The following CBLB variants were observed in gnomAD, a reference collection of about 807,000 sequenced individuals.
CBLB encodes the protein E3 ubiquitin-protein ligase CBL-B.
A neutral mutation model predicts 104.9 loss-of-function variants in CBLB; 31 were observed. That is an observed-to-expected ratio of 0.30 (90% CI 0.22 to 0.40). CBLB has a LOEUF of 0.40. Among genes scored for constraint, CBLB ranks in the 10% least tolerant of loss-of-function variants. The probability of loss-of-function intolerance (pLI) is 1.00; values close to 1 mark genes in which losing one functional copy is unlikely to be tolerated. For missense variants in CBLB, 1,062 were observed against 1,214.6 expected, an observed-to-expected ratio of 0.87 and a Z score of 1.87; for synonymous variants, 440 against 422.6, an observed-to-expected ratio of 1.04 and a Z score of -0.51.
rs972917488 is a variant in CBLB, at chr3:105,685,623, A to G, written c.2055-157T>C. The stretch of plus-strand genomic sequence containing the variant: ...AGAAGCTGTTCTTATATCAAATACA[A>G]ATGAAAACAATTTTCAATCTTTTGT... On this transcript the variant is annotated intron_variant, in intron 13 of 18. Coordinates refer to ENST00000394030, the MANE Select transcript of CBLB (RefSeq NM_170662.5). 2.6e-5 allele frequency among the ~76,000 whole-genome samples: 4 copies of G among 152,194 alleles called. No homozygotes were observed. In the South Asian group the frequency reaches 8.3e-4, roughly 32 times the overall value.
chr3:105,854,179 G>T (rs2091301127), intron 2 of CBLB, among the ~76,000 whole-genome samples: 1 of 152,150 alleles, frequency 6.6e-6, no homozygotes, highest in Non-Finnish European at 1.5e-5. Context: ...AGTAGTAAAT[G>T]TGTGTCAGGT....
At chr3:105,706,973 G>A (rs866775147) in intron 10 of CBLB, among the ~76,000 whole-genome samples, 21 of 152,070 alleles carry the variant, frequency 1.4e-4, no homozygotes, top group African/African-American at 5.1e-4. Context: ...AGAGCTAACA[G>A]CCCATTATCA....
Position 105,685,402 on chromosome 3 carries a change from C to A in CBLB, c.2119G>T (p.Asp707Tyr). The A allele has an allele frequency of 6.2e-7, 1 of 1,611,848 alleles. No homozygotes were observed. The highest frequency in any genetic ancestry group is 8.5e-7 in the Non-Finnish European group (1 of 1,178,048). The change falls in exon 14 of 19, where the codon GAT (aspartate) becomes TAT (tyrosine). Residue 707 changes from aspartate (D) to tyrosine (Y), a missense_variant. Physicochemically the swap from Asp to Tyr is radical, Grantham distance 160. This residue lies in a region of CBLB where 605 missense variants were observed against 582.6 expected (regional missense o/e 1.04). Coordinates refer to ENST00000394030, the MANE Select transcript of CBLB (RefSeq NM_170662.5). Reference sequence around the variant, plus strand: ...TGGGATGAAGGAATCTTGTATTCATCATCATCTTCCTCTACTGGGTCTCTT... The same window carrying A: ...TGGGATGAAGGAATCTTGTATTCATAATCATCTTCCTCTACTGGGTCTCTT... ...KTRDPVEEDD[D>Y]EYKIPSSHPV... is the part of the protein sequence containing the mutation.
chr3:105,753,034 T>C (rs1331433723), intron 4 of CBLB, among the ~76,000 whole-genome samples: 6 of 152,152 alleles, frequency 3.9e-5, no homozygotes, highest in Non-Finnish European at 7.4e-5. Context: ...GTAAAACCTG[T>C]AATGCTAAAG....
intron 13 of CBLB, among the ~76,000 whole-genome samples, chr3:105,689,520 A>G (rs560345137): frequency 1.2e-3 from 179 of 151,328 alleles, no homozygotes; most frequent in African/African-American, 4.2e-3. Flanking sequence ...TAAAAAAAAA[A>G]AAAGATATTC....
Position 105,704,071 on chromosome 3 carries a change from G to A in CBLB, c.1510C>T (p.Leu504=). 1.2e-6 allele frequency: 2 copies of A among 1,614,162 alleles called. No homozygotes were observed. Among genetic ancestry groups the A allele is most frequent in the Non-Finnish European group, 8.5e-7 (1 of 1,180,006 alleles). Residue 504 remains leucine, a synonymous_variant, in exon 11 of 19, where the codon CTG becomes TTG. Transcript: ENST00000394030. ...TCCAGGCGAGGAGGCACGGGTGGCA[G>A]GCTTAGATGTGGGATCTGGAGTGGG... ...PDPLQIPHLS[L]PPVPPRLDLI... is the part of the protein sequence containing the mutation.
chr3:105,740,421 G>T, intron 7 of CBLB, 73 bp downstream of exon 7: 1 of 1,502,858 alleles, frequency 6.7e-7, no homozygotes. Flanking sequence ...ATCCATTTTC[G>T]CCATCACAAA....
chr3:105,750,632 A>C (rs922870366), intron 5 of CBLB, among the ~76,000 whole-genome samples: 5 of 152,226 alleles, frequency 3.3e-5, no homozygotes, highest in Admixed American at 2.6e-4. Flanking sequence ...TGGCAGAGTC[A>C]ATCTCAAAAC....
chr3:105,670,682 T>C (rs958790839), intron 17 of CBLB: 2 of 278,604 alleles, frequency 7.2e-6, no homozygotes, highest in Non-Finnish European at 1.4e-5. Context: ...GTACAATGTA[T>C]AGAAACTGTT....
intron 18 of CBLB, among the ~76,000 whole-genome samples, chr3:105,667,041 A>C (rs2064545746): frequency 6.6e-6 from 1 of 152,198 alleles, no homozygotes; most frequent in Non-Finnish European, 1.5e-5. Flanking sequence ...CCTAATATAA[A>C]ATGTATTCAA....
intron 3 of CBLB, among the ~76,000 whole-genome samples, chr3:105,813,437 T>C (rs1340134103): frequency 6.6e-6 from 1 of 152,150 alleles, no homozygotes; most frequent in Non-Finnish European, 1.5e-5. Context: ...TGTATAATTT[T>C]TATGCAATGG....
intron 9 of CBLB, among the ~76,000 whole-genome samples, chr3:105,724,819 A>G (rs1014026756): frequency 3.9e-5 from 6 of 152,152 alleles, no homozygotes; most frequent in African/African-American, 9.6e-5. Context: ...CACTCTCTAA[A>G]TATTAATTCA....
chr3:105,776,606 T>G, intron 3 of CBLB, 64 bp from the exon 4 acceptor site: 1 of 1,381,586 alleles, frequency 7.2e-7, no homozygotes, highest in South Asian at 1.2e-5. Context: ...CAAATTTTTA[T>G]GGTAATATAT....
At chr3:105,779,179 G>T (rs576913337) in intron 3 of CBLB, among the ~76,000 whole-genome samples, 1 of 151,976 alleles carries the variant, frequency 6.6e-6, no homozygotes, top group Non-Finnish European at 1.5e-5. Context: ...TTACTTGTTA[G>T]ATCTAAAGTC....
intron 3 of CBLB, among the ~76,000 whole-genome samples, chr3:105,796,591 G>A (rs1244533920): frequency 6.6e-6 from 1 of 152,100 alleles, no homozygotes; most frequent in Admixed American, 6.5e-5. Context: ...ATTGACAAAT[G>A]GGACTTAATT....
At position 105,733,998 on chromosome 3, in the gene CBLB, A is replaced by T. The variant is rs752325538; in HGVS notation, c.1203+11T>A. On this transcript the variant is annotated intron_variant, in intron 9 of 18. Coordinates refer to ENST00000394030, the MANE Select transcript of CBLB (RefSeq NM_170662.5). Reference sequence around the variant, plus strand: ...ATATAAGAAAGACATCCATGTTGCTAATGATTATACCTGCCATGCCGTAAG... The same window carrying T: ...ATATAAGAAAGACATCCATGTTGCTTATGATTATACCTGCCATGCCGTAAG... The T allele has an allele frequency of 1.6e-5, 25 of 1,612,794 alleles. No individual in the cohort carries two copies. The highest frequency in any genetic ancestry group is 5.9e-6 in the Non-Finnish European group (7 of 1,178,858).
At chr3:105,733,933 A>C (rs2074620955) in intron 9 of CBLB, 76 bp downstream of exon 9, 1 of 1,402,544 alleles carries the variant, frequency 7.1e-7, no homozygotes, top group Admixed American at 1.7e-5. Flanking sequence ...ATTACTTCCT[A>C]AACCATTAAG....
intron 3 of CBLB, 31 bp from the exon 4 acceptor site, chr3:105,776,573 A>T (rs773515022): frequency 6.2e-7 from 1 of 1,607,930 alleles, no homozygotes; most frequent in Non-Finnish European, 8.5e-7. Flanking sequence ...AATGAAGATA[A>T]GAAATAAACA....
At chr3:105,862,095 C>T (rs1331107639) in intron 2 of CBLB, among the ~76,000 whole-genome samples, 1 of 152,148 alleles carries the variant, frequency 6.6e-6, no homozygotes, top group Admixed American at 6.6e-5. Flanking sequence ...TTACACCCCT[C>T]AATCTCCCCA....
Sources: allele counts gnomAD v4.1 joint callset (sites outside exome capture counted in the v4.1 genomes callset), GRCh38; gene constraint gnomAD v4.1.1; regional missense constraint gnomAD v4.1.1; transcripts MANE v1.5; gene names NCBI Gene and HGNC (gene_info 2026-07-23, HGNC 2026-07-21).